Variants in ASPRV1 observed in about 807,000 individuals in gnomAD.
ASPRV1 encodes retroviral-like aspartic protease 1.
A neutral mutation model predicts 11.0 loss-of-function variants in ASPRV1; 7 were observed. The observed-to-expected ratio is 0.64, with a 90% CI of 0.36 to 1.20. The LOEUF is 1.20. ASPRV1 is among the 50% of genes most tolerant of loss of function. ASPRV1 has a pLI of 0.02. For missense variants in ASPRV1, 299 were observed against 320.0 expected (o/e 0.93, Z 0.50); for synonymous variants, 136 against 138.4 (o/e 0.98, Z 0.12).
chr2:69,935,208 A>G, the ASPRV1 span: 1 of 635,860 alleles, frequency 1.6e-6, no homozygotes, highest in Non-Finnish European at 2.8e-6. Flanking sequence ...GGTTCAAAAT[A>G]TGTTTATTCA....
chr2:70,074,424 G>C, the ASPRV1 span, among the ~76,000 whole-genome samples: 4 of 151,172 alleles, frequency 2.6e-5, no homozygotes, highest in Non-Finnish European at 4.4e-5. Context: ...GAGTAGCTGG[G>C]ACTACAGGCA....
chr2:70,047,383 C>G, the ASPRV1 span, among the ~76,000 whole-genome samples: 1 of 152,210 alleles, frequency 6.6e-6, no homozygotes, highest in Non-Finnish European at 1.5e-5. Flanking sequence ...ACAGGGGAGA[C>G]AGCCACTGTG....
chr2:70,064,404 G>A, the ASPRV1 span, among the ~76,000 whole-genome samples: 28 of 152,188 alleles, frequency 1.8e-4, no homozygotes, highest in African/African-American at 6.7e-4. Flanking sequence ...TCTAGTGAAG[G>A]ACACAGACAA....
chr2:70,084,853 G>T, the ASPRV1 span, among the ~76,000 whole-genome samples: 2 of 152,094 alleles, frequency 1.3e-5, no homozygotes, highest in Non-Finnish European at 2.9e-5. Context: ...AACTGTCATC[G>T]TTGCTGTTAT....
At chr2:69,984,531 G>A in the ASPRV1 span, among the ~76,000 whole-genome samples, 1 of 149,476 alleles carries the variant, frequency 6.7e-6, no homozygotes, top group Non-Finnish European at 1.5e-5. Context: ...TTTTACAGAT[G>A]CAGAAACTAG....
chr2:70,014,816 A>G, the ASPRV1 span, among the ~76,000 whole-genome samples: 14 of 150,698 alleles, frequency 9.3e-5, no homozygotes, highest in Non-Finnish European at 1.8e-4. Context: ...AAAAAAAAAA[A>G]AAGAAAAAGA....
the ASPRV1 span, among the ~76,000 whole-genome samples, chr2:69,937,747 T>TTC: frequency 6.6e-6 from 1 of 152,342 alleles, no homozygotes; most frequent in East Asian, 1.9e-4. Context: ...CCCAAGCAGC[T>TTC]GGGATTACAG....
the ASPRV1 span, among the ~76,000 whole-genome samples, chr2:70,048,370 G>A: frequency 1.8e-4 from 27 of 151,386 alleles, no homozygotes; most frequent in Non-Finnish European, 3.1e-4. Flanking sequence ...AGCCGAGATC[G>A]CACCACTGCA....
the ASPRV1 span, chr2:69,939,865 C>G: frequency 1.3e-5 from 2 of 152,530 alleles, no homozygotes; most frequent in African/African-American, 4.8e-5. Context: ...ACACCACAGC[C>G]TGAAGCTCCC....
At chr2:69,937,532 C>A in the ASPRV1 span, 1 of 790,906 alleles carries the variant, frequency 1.3e-6, no homozygotes. Flanking sequence ...AACAGTGTGA[C>A]CTCCAGTGAC....
chr2:70,034,800 T>C, the ASPRV1 span: 136 of 152,290 alleles, frequency 8.9e-4, no homozygotes, highest in African/African-American at 3.2e-3. Context: ...ACAGACCCTC[T>C]GAAGAAGGTA....
chr2:70,027,137 A>G, the ASPRV1 span, among the ~76,000 whole-genome samples: 3 of 150,704 alleles, frequency 2.0e-5, no homozygotes, highest in Admixed American at 2.1e-4. Context: ...GTGCACCTGT[A>G]GTCCCAGCTA....
the ASPRV1 span, chr2:69,938,508 T>C: frequency 2.0e-6 from 1 of 512,086 alleles, no homozygotes; most frequent in Non-Finnish European, 3.5e-6. Context: ...TCTGAGAGAC[T>C]ATACATTCCA....
the ASPRV1 span, among the ~76,000 whole-genome samples, chr2:70,075,486 G>A: frequency 1.3e-5 from 2 of 151,956 alleles, no homozygotes; most frequent in Non-Finnish European, 2.9e-5. Context: ...GGGGATAAGA[G>A]TCACCATGAG....
the ASPRV1 span, among the ~76,000 whole-genome samples, chr2:70,039,159 T>C: frequency 6.6e-6 from 1 of 151,820 alleles, no homozygotes; most frequent in Admixed American, 6.6e-5. Context: ...TGGGCAAAAG[T>C]ACTCTGAGGA....
the ASPRV1 span, among the ~76,000 whole-genome samples, chr2:70,074,428 A>G: frequency 1.3e-5 from 2 of 151,398 alleles, no homozygotes; most frequent in East Asian, 4.1e-4. Context: ...AGCTGGGACT[A>G]CAGGCACACA....
chr2:70,061,326 C>T, the ASPRV1 span, among the ~76,000 whole-genome samples: 4 of 145,550 alleles, frequency 2.7e-5, no homozygotes, highest in Non-Finnish European at 5.9e-5. Flanking sequence ...ACCTGGGAGG[C>T]AGAGGTTGTA....
At chr2:69,965,981 C>T (rs969695914), upstream of ASPRV1, among the ~76,000 whole-genome samples, 5 of 152,248 alleles carry the variant, frequency 3.3e-5, no homozygotes, top group Non-Finnish European at 2.9e-5. Context: ...TTGCCCCTAG[C>T]TCAGAACCCC....
the ASPRV1 span, among the ~76,000 whole-genome samples, chr2:70,076,761 C>T: frequency 6.6e-6 from 1 of 152,188 alleles, no homozygotes; most frequent in Non-Finnish European, 1.5e-5. Flanking sequence ...TTATTAAACA[C>T]AGTACAGTGT....
Sources: gnomAD v4.1 joint callset for allele counts (sites outside exome capture counted in the v4.1 genomes callset) on GRCh38, gnomAD v4.1.1 for gene constraint, MANE v1.5 for transcripts, NCBI Gene and HGNC (gene_info 2026-07-23, HGNC 2026-07-21) for gene names.